The following ACOT11 variants were observed in gnomAD, a reference collection of about 807,000 sequenced individuals.
ACOT11 encodes the protein acyl-CoA thioesterase 11.
Under a neutral mutation model 77.5 loss-of-function variants are expected in ACOT11, and 69 were observed. The ratio of observed to expected loss-of-function variants is 0.89; its 90% confidence interval spans 0.73 to 1.09. The LOEUF (loss-of-function observed/expected upper bound fraction) is 1.09, where lower values mean the gene tolerates loss of function less well. ACOT11 is among the 50% of genes least tolerant of loss of function. ACOT11 has a pLI of 0.00. For synonymous variants in ACOT11, 279 were observed against 313.0 expected, an observed-to-expected ratio of 0.89 and a Z score of 1.15; for missense variants, 766 against 813.7, an observed-to-expected ratio of 0.94 and a Z score of 0.71.
chr1:54,555,844 A>G (rs1653240178), intron 1 of ACOT11, among the ~76,000 whole-genome samples: 1 of 152,068 alleles, frequency 6.6e-6, no homozygotes, highest in Non-Finnish European at 1.5e-5. Context: ...TCCCAGGTTC[A>G]AGTGATTCTC....
At chr1:54,592,638 T>C in intron 4 of ACOT11, 32 bp downstream of exon 4, 1 of 1,609,842 alleles carries the variant, frequency 6.2e-7, no homozygotes. Context: ...TGGGAGTGGG[T>C]GCGTGGGTGG....
In ACOT11 at chr1:54,551,156, A is replaced by G. The variant is rs560614136; in HGVS notation, c.33+2814A>G. On this transcript the variant is annotated intron_variant, in intron 1 of 15. Transcript: ENST00000343744. Reference sequence around the variant, plus strand: ...AAAAAAAAAAAAAAAAAAAGAAAAAAAACCAGCAACAGCAACAACAAAAAA... The same window carrying G: ...AAAAAAAAAAAAAAAAAAAGAAAAAGAACCAGCAACAGCAACAACAAAAAA... Among the ~76,000 whole-genome samples the G allele has an allele frequency of 9.5e-4, 145 of 151,930 alleles. 1 individual carries two copies. Among genetic ancestry groups the G allele is most frequent in the African/African-American group, 3.4e-3 (142 of 41,462 alleles).
At chr1:54,561,935 C>G (rs1323826769) in intron 1 of ACOT11, among the ~76,000 whole-genome samples, 1 of 101,074 alleles carries the variant, frequency 9.9e-6, no homozygotes, top group Non-Finnish European at 1.9e-5. Context: ...ACCTCCCTCC[C>G]GGACGGGGCG....
At chr1:54,613,559 A>T (rs1644140919), downstream of ACOT11, among the ~76,000 whole-genome samples, 1 of 152,044 alleles carries the variant, frequency 6.6e-6, no homozygotes, top group South Asian at 2.1e-4. Context: ...AAGTACTGGG[A>T]TTATAGGTGT....
At chr1:54,634,308 T>G (rs773142799) in intron 16 of ACOT11, among the ~76,000 whole-genome samples, 1 of 152,244 alleles carries the variant, frequency 6.6e-6, no homozygotes. Context: ...GCTGAGAATG[T>G]TTTTACAGAT....
chr1:54,622,447 G>A lies in ACOT11; in HGVS notation c.1630-8287G>A, dbSNP rs146719616. ...ACAAAAATTAGCTGAGCGTGGTGGCGCACGCCTGTAGTCCCAGCTACTCCG... is the reference window on the plus strand; with the variant it reads ...ACAAAAATTAGCTGAGCGTGGTGGCACACGCCTGTAGTCCCAGCTACTCCG... On this transcript the variant is annotated intron_variant, in intron 15 of 16. Coordinates refer to the ACOT11 transcript ENST00000371316. Among the ~76,000 whole-genome samples the A allele has an allele frequency of 3.9e-3, 592 of 152,086 alleles. 4 individuals are homozygous for A. The highest frequency in any genetic ancestry group is 0.013 in the African/African-American group (519 of 41,490).
chr1:54,628,603 C>G lies in ACOT11; in HGVS notation c.1630-2131C>G, dbSNP rs187304265. 5.6e-3 allele frequency among the ~76,000 whole-genome samples: 685 copies of G among 123,186 alleles called. 157 individuals carry two copies. Among genetic ancestry groups the G allele is most frequent in the Non-Finnish European group, 8.7e-3 (473 of 54,322 alleles). The allele number at this position is 123,186 out of a possible 152,430, so 80.8% of individuals were successfully genotyped here. On this transcript the variant is annotated intron_variant, in intron 15 of 16. Transcript: ENST00000371316. Reference sequence around the variant, plus strand: ...GAGCAAGACCCCATCGCCCCCCCCCCCCAAAAAAGGAAAAAAGAAACCCAT... The same window carrying G: ...GAGCAAGACCCCATCGCCCCCCCCCGCCAAAAAAGGAAAAAAGAAACCCAT...
chr1:54,621,208 G>A (rs149866547), intron 15 of ACOT11, among the ~76,000 whole-genome samples: 3,222 of 151,150 alleles, frequency 0.021, 132 homozygotes, highest in African/African-American at 0.075. Context: ...TGTAATCCCA[G>A]CACTTTGGGA....
chr1:54,587,689 G>A (rs1164847494), intron 3 of ACOT11, among the ~76,000 whole-genome samples: 1 of 145,726 alleles, frequency 6.9e-6, no homozygotes, highest in African/African-American at 2.5e-5. Flanking sequence ...AGCCTCTTGA[G>A]TAGCTGGGAT....
At chr1:54,590,918 C>CTTAT (rs1420801261) in intron 3 of ACOT11, among the ~76,000 whole-genome samples, 1 of 152,046 alleles carries the variant, frequency 6.6e-6, no homozygotes, top group Non-Finnish European at 1.5e-5. Flanking sequence ...CCATGCTCAG[C>CTTAT]TTATTTATTT....
chr1:54,629,076 A>AG (rs796766702), intron 15 of ACOT11, among the ~76,000 whole-genome samples: 1 of 127,802 alleles, frequency 7.8e-6, no homozygotes, highest in South Asian at 2.7e-4. Flanking sequence ...AAAAAAAAAA[A>AG]AAGAAGAAGA....
At position 54,599,423 on chromosome 1, in the gene ACOT11, TC is replaced by T; in HGVS notation, c.884+9del. 1 of 1,597,530 alleles carries T rather than the reference TC, an allele frequency of 6.3e-7. No individual in the cohort carries two copies. Among genetic ancestry groups the T allele is most frequent in the Non-Finnish European group, 8.5e-7 (1 of 1,170,658 alleles). On this transcript the variant is annotated intron_variant, in intron 8 of 15. Transcript: ENST00000343744. ...CAATGCCTTCAAACATAGGTGAGGG[TC>T]TGGGATGGGTGCGGCCACGTCCATT...
At chr1:54,632,941 A>T (rs555127130) in intron 16 of ACOT11, among the ~76,000 whole-genome samples, 45 of 152,306 alleles carry the variant, frequency 3.0e-4, no homozygotes, top group African/African-American at 1.0e-3. Flanking sequence ...TGGGGAAGAG[A>T]TGTATTACAA....
At chr1:54,561,231 T>C (rs1296020488) in intron 1 of ACOT11, among the ~76,000 whole-genome samples, 7 of 128,126 alleles carry the variant, frequency 5.5e-5, no homozygotes, top group African/African-American at 2.2e-4. Context: ...CTGGTTTTCC[T>C]AGGCAGAGGA....
intron 1 of ACOT11, among the ~76,000 whole-genome samples, chr1:54,571,071 C>CTTT (rs1553162279): frequency 1.4e-5 from 2 of 141,844 alleles, no homozygotes; most frequent in African/African-American, 2.6e-5. Context: ...TTCTCTCTCT[C>CTTT]TTTTTTTTTT....
chr1:54,616,053 A>G (rs1027504698), intron 15 of ACOT11: 2 of 1,613,974 alleles, frequency 1.2e-6, no homozygotes, highest in African/African-American at 1.3e-5. Flanking sequence ...GCGTCCAGCC[A>G]CTGCTCCAGT....
At chr1:54,594,266 CTTCTGGTCTCACCA>C (rs1220947884) in intron 5 of ACOT11, among the ~76,000 whole-genome samples, 7 of 152,114 alleles carry the variant, frequency 4.6e-5, no homozygotes, top group African/African-American at 9.7e-5. Flanking sequence ...AGCGAAGATT[CTTCTGGTCTCACCA>C]TTCTGGTCTC....
chr1:54,609,467 CTG>C lies in ACOT11; in HGVS notation c.*358_*359del, dbSNP rs1644084666. On this transcript the variant is annotated 3_prime_UTR_variant, in exon 16 of 16. Coordinates refer to ENST00000343744, the MANE Select transcript of ACOT11 (RefSeq NM_147161.4). Reference sequence around the variant, plus strand: ...CAGCCTGCCTATGGCTCCAGCTGTGCTGTGGCCCAGCAGCATGGCCTGCATCT... The same window carrying C: ...CAGCCTGCCTATGGCTCCAGCTGTGCTGGCCCAGCAGCATGGCCTGCATCT... The C allele has an allele frequency of 6.2e-7, 1 of 1,613,546 alleles. No individual in the cohort carries two copies. Among genetic ancestry groups the C allele is most frequent in the Non-Finnish European group, 8.5e-7 (1 of 1,180,028 alleles).
chr1:54,570,883 A>T (rs1318496359), intron 1 of ACOT11, among the ~76,000 whole-genome samples: 1 of 151,770 alleles, frequency 6.6e-6, no homozygotes, highest in Non-Finnish European at 1.5e-5. Context: ...GAGTTTCACC[A>T]TGTTGGCCAG....
Sources: gnomAD v4.1 joint callset for allele counts (sites outside exome capture counted in the v4.1 genomes callset) on GRCh38, gnomAD v4.1.1 for gene constraint, MANE v1.5 for transcripts, NCBI Gene and HGNC (gene_info 2026-07-23, HGNC 2026-07-21) for gene names.